The following OPA3 variants were observed in gnomAD, a reference collection of about 807,000 sequenced individuals.
OPA3 encodes the protein optic atrophy 3 protein.
OPA3 carries 6 observed loss-of-function variants against 4.0 expected under a neutral mutation model. The observed-to-expected ratio is 1.51, with a 90% confidence interval of 0.83 to 2.99. OPA3 has a LOEUF of 2.99. Ranked by LOEUF, OPA3 falls within the 30% of genes most tolerant of loss-of-function variation. OPA3 has a pLI of 0.00. For missense variants in OPA3, 235 were observed against 256.2 expected, an observed-to-expected ratio of 0.92 and a Z score of 0.56; for synonymous variants, 105 against 117.1, an observed-to-expected ratio of 0.90 and a Z score of 0.67.
Position 45,547,510 on chromosome 19 carries a change from C to G in OPA3, c.*6004G>C, listed in dbSNP as rs1383555514. 6.6e-6 allele frequency: 1 copy of G among 152,346 alleles called. No individual in the cohort carries two copies. The highest frequency in any genetic ancestry group is 2.4e-5 in the African/African-American group (1 of 41,438). 9.4% of individuals were successfully genotyped at this position (152,346 alleles called of 1,614,324 possible). A position where few individuals can be genotyped will look rare whatever the true frequency, so the allele number is the denominator to read the frequency against. On this transcript the variant is annotated 3_prime_UTR_variant, in exon 2 of 2. Transcript: ENST00000263275. ...CTGACAGCCAGAAACTCTTGCTGTT[C>G]CAGGAACAGGCCAAGGCCACATCTG...
chr19:45,560,416 G>A (rs1416653190), intron 1 of OPA3, among the ~76,000 whole-genome samples: 1 of 152,192 alleles, frequency 6.6e-6, no homozygotes, highest in Admixed American at 6.6e-5. Flanking sequence ...GCACAGAGCA[G>A]GCACTTAATG....
chr19:45,559,401 T>C lies in OPA3; in HGVS notation c.143-5490A>G, dbSNP rs201724887. On this transcript the variant is annotated intron_variant, in intron 1 of 1. Coordinates refer to ENST00000263275, the MANE Select transcript of OPA3 (RefSeq NM_025136.4). ...CTTCTTTCCCTCTTTTTCTTTCTTT[T>C]TTTTTTTTTTTTTTTTTTGAGATGG... Among the ~76,000 whole-genome samples, 269 of 119,122 alleles carry C rather than the reference T, an allele frequency of 2.3e-3. 3 individuals carry two copies. Among genetic ancestry groups the C allele is most frequent in the African/African-American group, 9.7e-3 (262 of 27,002 alleles). The allele number at this position is 119,122 out of a possible 152,430, so 78.1% of individuals were successfully genotyped here. A position where few individuals can be genotyped will look rare whatever the true frequency, so the allele number is the denominator to read the frequency against.
At chr19:45,562,903 G>C (rs1253487508) in intron 1 of OPA3, among the ~76,000 whole-genome samples, 1 of 152,080 alleles carries the variant, frequency 6.6e-6, no homozygotes, top group African/African-American at 2.4e-5. Context: ...AGGTATGTGG[G>C]AACTCTCTGT....
chr19:45,564,199 C>T (rs1599978942), intron 1 of OPA3, among the ~76,000 whole-genome samples: 1 of 136,958 alleles, frequency 7.3e-6, no homozygotes. Context: ...TGCGACTAGG[C>T]GGAAGGGGAG....
At position 45,551,108 on chromosome 19, in the gene OPA3, G is replaced by T; in HGVS notation, c.*2406C>A. 1 of 196,070 alleles carries T rather than the reference G, an allele frequency of 5.1e-6. No homozygotes were observed. Among genetic ancestry groups the T allele is most frequent in the Non-Finnish European group, 9.2e-6 (1 of 108,152 alleles). The allele number at this position is 196,070 out of a possible 1,614,324, so 12.1% of individuals were successfully genotyped here. On this transcript the variant is annotated 3_prime_UTR_variant, in exon 2 of 2. Coordinates refer to ENST00000263275, the MANE Select transcript of OPA3 (RefSeq NM_025136.4). ...CCCAAGTAGCTGGGACTACAGGCATGCATCACCGCACCTGGCTAATTTTTT... is the reference window on the plus strand; with the variant it reads ...CCCAAGTAGCTGGGACTACAGGCATTCATCACCGCACCTGGCTAATTTTTT...
chr19:45,564,440 G>C (rs1214410374), intron 1 of OPA3, among the ~76,000 whole-genome samples: 2 of 152,174 alleles, frequency 1.3e-5, no homozygotes, highest in Non-Finnish European at 2.9e-5. Context: ...GGTAAACCAG[G>C]AGGACTCTGA....
At chr19:45,538,594 G>A (rs1969148563) in intron 1 of OPA3, among the ~76,000 whole-genome samples, 1 of 152,024 alleles carries the variant, frequency 6.6e-6, no homozygotes, top group African/African-American at 2.4e-5. Flanking sequence ...GTGGTGGCGT[G>A]TGCCTGTAAT....
chr19:45,570,982 G>GGT (rs199521201), intron 1 of OPA3, among the ~76,000 whole-genome samples: 8,062 of 137,274 alleles, frequency 0.059, 1,050 homozygotes, highest in African/African-American at 0.14. Context: ...ACTATTTGGG[G>GGT]GGGGGGGGCA....
intron 1 of OPA3, among the ~76,000 whole-genome samples, chr19:45,572,598 G>GATATATGTATATAAATATATATATCT: frequency 1.1e-5 from 1 of 94,082 alleles, no homozygotes; most frequent in African/African-American, 3.3e-5. Context: ...TATATATATT[G>GATATATGTATATAAATATATATATCT]ATATATATCA....
chr19:45,536,416 C>T (rs537543754), intron 1 of OPA3, among the ~76,000 whole-genome samples: 3 of 151,896 alleles, frequency 2.0e-5, no homozygotes, highest in Non-Finnish European at 2.9e-5. Flanking sequence ...GGCATGGTGA[C>T]GGGTGCCTAT....
Position 45,553,548 on chromosome 19 carries a change from G to T in OPA3, c.506C>A (p.Ser169Tyr). The T allele has an allele frequency of 1.9e-6, 3 of 1,613,386 alleles. No homozygotes were observed. The South Asian group carries it at 3.3e-5, about 18-fold the overall frequency. ...GGACGCAGGCACTGCGTGGGAAGCG[G>T]ACCGGCCGGGATTGCAGAGCTGGGC... ...VRAQLCNPGR[S>Y]ASHAVPASKK The change falls in exon 2 of 2, where the codon TCC becomes TAC. Residue 169 changes from serine (S) to tyrosine (Y), a missense_variant. Transcript: ENST00000263275.
rs1366714992 is a variant in OPA3, at chr19:45,559,007, C to T, written c.143-5096G>A. On this transcript the variant is annotated intron_variant, in intron 1 of 1. Coordinates refer to ENST00000263275, the MANE Select transcript of OPA3 (RefSeq NM_025136.4). Reference sequence around the variant, plus strand: ...CGAGTGATTCTCCTGCCTGAGCCTCCCAAGTAGCTGGGATTACAGGCGCCC... The same window carrying T: ...CGAGTGATTCTCCTGCCTGAGCCTCTCAAGTAGCTGGGATTACAGGCGCCC... 2.0e-5 allele frequency among the ~76,000 whole-genome samples: 3 copies of T among 152,160 alleles called. 1 individual carries two copies. In the South Asian group the frequency reaches 6.2e-4, roughly 32 times the overall value.
At chr19:45,556,095 G>A (rs1266784773) in intron 1 of OPA3, among the ~76,000 whole-genome samples, 1 of 152,162 alleles carries the variant, frequency 6.6e-6, no homozygotes, top group Non-Finnish European at 1.5e-5. Context: ...TAAGGTTAAT[G>A]AAGAAAAGTT....
Position 45,553,025 on chromosome 19 carries a change from A to C in OPA3, c.*489T>G. The stretch of plus-strand genomic sequence containing the variant: ...GAGCACTGATGCTCAGCTAGAGCTG[A>C]CCTTAGAAGGTGAGGGGGAGAAAAG... On this transcript the variant is annotated 3_prime_UTR_variant, in exon 2 of 2. Transcript: ENST00000263275. The C allele has an allele frequency of 9.8e-7, 1 of 1,019,746 alleles. No individual in the cohort carries two copies. Among genetic ancestry groups the C allele is most frequent in the Non-Finnish European group, 1.2e-6 (1 of 850,696 alleles). 63.2% of individuals were successfully genotyped at this position (1,019,746 alleles called of 1,614,324 possible).
In OPA3 at chr19:45,552,767, ATGG is replaced by A. The variant is rs1969354298; in HGVS notation, c.*744_*746del. 6.6e-6 allele frequency: 1 copy of A among 152,628 alleles called. No individual in the cohort carries two copies. Among genetic ancestry groups the A allele is most frequent in the Admixed American group, 6.6e-5 (1 of 15,058 alleles). 9.5% of individuals were successfully genotyped at this position (152,628 alleles called of 1,614,324 possible). A position where few individuals can be genotyped will look rare whatever the true frequency, so the allele number is the denominator to read the frequency against. Reference sequence around the variant, plus strand: ...CTTGGCTCACCGCAACCTCCACCTCATGGGTTCAAGCAATTCTCCTGCCTCAGC... The same window carrying A: ...CTTGGCTCACCGCAACCTCCACCTCAGTTCAAGCAATTCTCCTGCCTCAGC... On this transcript the variant is annotated 3_prime_UTR_variant, in exon 2 of 2. Coordinates refer to ENST00000263275, the MANE Select transcript of OPA3 (RefSeq NM_025136.4).
rs1365890198 is a variant in OPA3, at chr19:45,551,965, T to C, written c.*1549A>G. The C allele has an allele frequency of 3.0e-6, 3 of 985,274 alleles. No homozygotes were observed. Among genetic ancestry groups the C allele is most frequent in the Non-Finnish European group, 3.6e-6 (3 of 830,022 alleles). The allele number at this position is 985,274 out of a possible 1,614,324, so 61.0% of individuals were successfully genotyped here. ...AAAGGACATGCCACACAGTACAAGC[T>C]CCAGGGACTCTGAGGACAGGAAAAT... On this transcript the variant is annotated 3_prime_UTR_variant, in exon 2 of 2. Coordinates refer to ENST00000263275, the MANE Select transcript of OPA3 (RefSeq NM_025136.4).
intron 1 of OPA3, among the ~76,000 whole-genome samples, chr19:45,576,545 C>T (rs55819747): frequency 2.1e-5 from 3 of 145,642 alleles, no homozygotes; most frequent in South Asian, 4.4e-4. Flanking sequence ...TCCCCCCCCC[C>T]CCAAAAAAAA....
At chr19:45,572,120 T>C (rs1969675214) in intron 1 of OPA3, among the ~76,000 whole-genome samples, 1 of 137,066 alleles carries the variant, frequency 7.3e-6, no homozygotes, top group Admixed American at 7.8e-5. Context: ...TCAATATATA[T>C]TGATATATAT....
chr19:45,559,397 C>CTTTTTTTTTTTTTT (rs71338781), intron 1 of OPA3, among the ~76,000 whole-genome samples: 1 of 59,908 alleles, frequency 1.7e-5, no homozygotes, highest in Non-Finnish European at 3.0e-5. Context: ...CTTTTTCTTT[C>CTTTTTTTTTTTTTT]TTTTTTTTTT....
Sources: allele counts gnomAD v4.1 joint callset (sites outside exome capture counted in the v4.1 genomes callset), GRCh38; gene constraint gnomAD v4.1.1; transcripts MANE v1.5; gene names NCBI Gene and HGNC (gene_info 2026-07-23, HGNC 2026-07-21).